The following GPHN variants were observed in gnomAD, a reference collection of about 807,000 sequenced individuals.
The protein encoded by GPHN is gephyrin.
GPHN carries 17 observed loss-of-function variants against 95.5 expected under a neutral mutation model. The observed-to-expected ratio is 0.18, with a 90% CI of 0.12 to 0.27. The LOEUF (loss-of-function observed/expected upper bound fraction) is 0.27, where lower values mean the gene tolerates loss of function less well. Ranked by LOEUF, GPHN falls within the 10% of genes least tolerant of loss-of-function variation. The probability of loss-of-function intolerance (pLI) is 1.00; values close to 1 mark genes in which losing one functional copy is unlikely to be tolerated. For synonymous variants in GPHN, 320 were observed against 322.5 expected, an observed-to-expected ratio of 0.99 and a Z score of 0.08; for missense variants, 660 against 978.1, an observed-to-expected ratio of 0.67 and a Z score of 4.34.
the GPHN span, among the ~76,000 whole-genome samples, chr14:67,399,320 C>T: frequency 1.6e-5 from 2 of 126,914 alleles, no homozygotes; most frequent in Non-Finnish European, 1.6e-5. Context: ...GTTTAGGTGG[C>T]TGTCAGGTGG....
At chr14:66,839,901 G>A (rs2153506853) in intron 4 of GPHN, among the ~76,000 whole-genome samples, 1 of 152,076 alleles carries the variant, frequency 6.6e-6, no homozygotes, top group African/African-American at 2.4e-5. Context: ...TCGAGATGGC[G>A]CTGCTCTGTG....
intron 1 of GPHN, among the ~76,000 whole-genome samples, chr14:66,670,960 A>G (rs1005120446): frequency 2.6e-5 from 4 of 152,166 alleles, no homozygotes; most frequent in African/African-American, 7.2e-5. Context: ...ATGGAGTACA[A>G]TGTTTATAAT....
At chr14:67,710,708 T>A in the GPHN span, among the ~76,000 whole-genome samples, 1 of 151,810 alleles carries the variant, frequency 6.6e-6, no homozygotes, top group Non-Finnish European at 1.5e-5. Context: ...AATTTTTCAC[T>A]TTTTTTTAAA....
chr14:67,148,705 T>C (rs2081054378), intron 18 of GPHN, among the ~76,000 whole-genome samples: 1 of 151,602 alleles, frequency 6.6e-6, no homozygotes, highest in Non-Finnish European at 1.5e-5. Context: ...GGACTACAGG[T>C]GCCTGCCACC....
intron 1 of GPHN, among the ~76,000 whole-genome samples, chr14:66,610,370 G>A (rs1478567323): frequency 6.6e-6 from 1 of 151,982 alleles, no homozygotes; most frequent in Middle Eastern, 3.2e-3. Flanking sequence ...CCTCACATTC[G>A]GAAACCCCAC....
the GPHN span, chr14:67,585,647 A>C: frequency 6.4e-6 from 10 of 1,562,190 alleles, no homozygotes; most frequent in Admixed American, 1.5e-4. Context: ...CTGGACCACA[A>C]CACTATGGTA....
chr14:66,766,975 A>G (rs1333592385), intron 2 of GPHN, among the ~76,000 whole-genome samples: 2 of 151,978 alleles, frequency 1.3e-5, no homozygotes, highest in Non-Finnish European at 2.9e-5. Flanking sequence ...ATGGCTTTCA[A>G]TATAGTTAGC....
At chr14:66,601,278 G>A (rs1205414354) in intron 1 of GPHN, among the ~76,000 whole-genome samples, 2 of 152,062 alleles carry the variant, frequency 1.3e-5, no homozygotes, top group Non-Finnish European at 2.9e-5. Flanking sequence ...CCAAGATGTA[G>A]TGGATATTCA....
the GPHN span, chr14:67,360,164 G>A: frequency 4.9e-6 from 2 of 406,328 alleles, no homozygotes; most frequent in Non-Finnish European, 8.7e-6. Context: ...TCTTTCTCGC[G>A]CCTTGAAGGT....
intron 3 of GPHN, among the ~76,000 whole-genome samples, chr14:66,792,740 A>G (rs1274307216): frequency 6.6e-5 from 10 of 152,238 alleles, no homozygotes; most frequent in Non-Finnish European, 1.0e-4. Flanking sequence ...TAGAGGAATT[A>G]AAGACACACA....
intron 13 of GPHN, among the ~76,000 whole-genome samples, chr14:67,109,836 A>G (rs2078266738): frequency 6.6e-6 from 1 of 152,194 alleles, no homozygotes. Flanking sequence ...GAAAATGTAC[A>G]TTATTTGAGA....
At chr14:67,415,512 A>G in the GPHN span, among the ~76,000 whole-genome samples, 1 of 152,198 alleles carries the variant, frequency 6.6e-6, no homozygotes, top group African/African-American at 2.4e-5. Context: ...AAGGGTGTAA[A>G]TTTTTAAAAT....
Position 66,942,916 on chromosome 14 carries a change from C to CAAA in GPHN, c.828+18625_828+18626insAAA, listed in dbSNP as rs1235054269. ...GTTATGAAATAGAATTCCAGATTAC[C>CAAA]ATGAATTATTTATTTTGCCAAAATG... On this transcript the variant is annotated intron_variant, in intron 8 of 22. Coordinates refer to ENST00000478722, the MANE Select transcript of GPHN (RefSeq NM_020806.5). Among the ~76,000 whole-genome samples the CAAA allele has an allele frequency of 5.4e-4, 82 of 152,142 alleles. 2 individuals carry two copies. Among genetic ancestry groups the CAAA allele is most frequent in the African/African-American group, 1.9e-3 (80 of 41,520 alleles).
chr14:66,542,973 T>TA (rs1215252532), intron 1 of GPHN, among the ~76,000 whole-genome samples: 1 of 152,128 alleles, frequency 6.6e-6, no homozygotes, highest in Non-Finnish European at 1.5e-5. Context: ...TCAGGAAACT[T>TA]ACAATCAGGG....
intron 2 of GPHN, among the ~76,000 whole-genome samples, chr14:66,758,725 A>C (rs2058658806): frequency 6.6e-6 from 1 of 152,034 alleles, no homozygotes; most frequent in African/African-American, 2.4e-5. Context: ...TTCCCAAAGA[A>C]ACCTCCGGGT....
At position 66,953,826 on chromosome 14, in the gene GPHN, C is replaced by T. The variant is rs140434080; in HGVS notation, c.829-11365C>T. Among the ~76,000 whole-genome samples the T allele has an allele frequency of 7.4e-3, 1,128 of 152,110 alleles. 2 individuals are homozygous for T. The highest frequency in any genetic ancestry group is 0.013 in the Non-Finnish European group (875 of 67,968). ...GGTGGGCAGATCACTTGAGGTCAGG[C>T]GTTTGAGACCACTCTGGCCAAAATG... On this transcript the variant is annotated intron_variant, in intron 8 of 22. Transcript: ENST00000478722.
At chr14:66,809,738 T>A (rs1447838615) in intron 3 of GPHN, among the ~76,000 whole-genome samples, 2 of 152,202 alleles carry the variant, frequency 1.3e-5, no homozygotes, top group African/African-American at 4.8e-5. Flanking sequence ...CTTCTGGTAC[T>A]ATTCACTTAA....
At chr14:67,275,694 T>C in the GPHN span, among the ~76,000 whole-genome samples, 1 of 152,228 alleles carries the variant, frequency 6.6e-6, no homozygotes, top group African/African-American at 2.4e-5. Context: ...TCAGAAGGAA[T>C]GGTACCAGCT....
At chr14:67,118,516 G>A (rs1188619163) in intron 16 of GPHN, among the ~76,000 whole-genome samples, 3 of 152,188 alleles carry the variant, frequency 2.0e-5, no homozygotes, top group East Asian at 3.9e-4. Context: ...ACAAGGTCAG[G>A]AAATTGAGAC....
Sources: gnomAD v4.1 joint callset for allele counts (sites outside exome capture counted in the v4.1 genomes callset) on GRCh38, gnomAD v4.1.1 for gene constraint, MANE v1.5 for transcripts, NCBI Gene and HGNC (gene_info 2026-07-23, HGNC 2026-07-21) for gene names.